Variants in CUX1 observed in about 807,000 individuals in gnomAD.
CUX1 encodes the protein cut like homeobox 1.
Under a neutral mutation model 158.8 loss-of-function variants are expected in CUX1, and 31 were observed. That is an observed-to-expected ratio of 0.20 (90% CI 0.15 to 0.26). The LOEUF (loss-of-function observed/expected upper bound fraction) is 0.26, where lower values mean the gene tolerates loss of function less well. CUX1 is among the 10% of genes least tolerant of loss of function. The pLI is 1.00. For missense variants in CUX1, 1,589 were observed against 2,014.6 expected (o/e 0.79, Z 4.04); for synonymous variants, 879 against 862.1 (o/e 1.02, Z -0.34).
At chr7:102,030,689 G>GTTTTTTTTTTTTTTTTTTTTTGTTTTT (rs1585341128) in intron 3 of CUX1, among the ~76,000 whole-genome samples, 11 of 82,524 alleles carry the variant, frequency 1.3e-4, no homozygotes, top group South Asian at 4.8e-4. Flanking sequence ...ATTTTAAAAA[G>GTTTTTTTTTTTTTTTTTTTTTGTTTTT]TGTTTTTTTT....
chr7:102,237,957 G>C (rs426954), intron 22 of CUX1, among the ~76,000 whole-genome samples: 73,734 of 152,024 alleles, frequency 0.49, 20,118 homozygotes, highest in East Asian at 0.92. Context: ...AGGAGACAAA[G>C]AGAGAAACAA....
At chr7:102,164,613 G>C (rs1320195877) in intron 9 of CUX1, among the ~76,000 whole-genome samples, 1 of 152,182 alleles carries the variant, frequency 6.6e-6, no homozygotes, top group Non-Finnish European at 1.5e-5. Context: ...GGAGGCCTTG[G>C]CCACTGGTGC....
chr7:102,180,741 C>G (rs1024382026), intron 11 of CUX1, among the ~76,000 whole-genome samples: 114 of 151,670 alleles, frequency 7.5e-4, no homozygotes, highest in African/African-American at 2.6e-3. Context: ...CCACGACCCT[C>G]CCTCACTCCT....
In CUX1 at chr7:102,248,533, A is replaced by G; in HGVS notation, c.4009A>G (p.Ser1337Gly). 6.6e-7 allele frequency: 1 copy of G among 1,519,150 alleles called. No individual in the cohort carries two copies. Among genetic ancestry groups the G allele is most frequent in the South Asian group, 1.2e-5 (1 of 82,850 alleles). The allele number at this position is 1,519,150 out of a possible 1,614,324, so 94.1% of individuals were successfully genotyped here. A position where few individuals can be genotyped will look rare whatever the true frequency, so the allele number is the denominator to read the frequency against. Residue 1337 changes from serine (S) to glycine (G), a missense_variant, in exon 24 of 24, where the codon AGC (serine) becomes GGC (glycine). This residue lies in a region of CUX1 where 344 missense variants were observed against 323.7 expected (regional missense o/e 1.06). Transcript: ENST00000292535. This position sits in a 1 kb window ranked among gnomAD's most constrained non-coding sequence, Gnocchi z 5.8. The stretch of plus-strand genomic sequence containing the variant: ...GGCGGCGCCCAGCTCGGAGGGCGAC[A>G]GCTGCGACGGCGTGGAGGCCACTGA... ...GRAAPSSEGDSCDGVEATEGP... is the reference protein window; with the variant it reads ...GRAAPSSEGDGCDGVEATEGP...
At position 102,248,852 on chromosome 7, in the gene CUX1, A is replaced by T. The variant is rs1563487788; in HGVS notation, c.4328A>T (p.Asn1443Ile). 1 of 1,246,636 alleles carries T rather than the reference A, an allele frequency of 8.0e-7. No homozygotes were observed. The highest frequency in any genetic ancestry group is 2.0e-5 in the South Asian group (1 of 49,000). The allele number at this position is 1,246,636 out of a possible 1,614,324, so 77.2% of individuals were successfully genotyped here. ...AAPSSAPPPS[N>I]SSSSSAPRRP... ...CCGAGCTCCGCGCCGCCGCCCAGCAACAGCAGCAGCAGCAGCGCCCCCCGC... is the reference window on the plus strand; with the variant it reads ...CCGAGCTCCGCGCCGCCGCCCAGCATCAGCAGCAGCAGCAGCGCCCCCCGC... The change falls in exon 24 of 24, where the codon AAC becomes ATC. Residue 1443 changes from asparagine to isoleucine, a missense_variant. Coordinates refer to ENST00000292535, the MANE Select transcript of CUX1 (RefSeq NM_181552.4). The surrounding 1 kb of genome is among the most constrained non-coding windows in gnomAD (Gnocchi z 5.8).
rs928269550 is a variant in CUX1, at chr7:102,201,060, G to A, written c.2063-300G>A. 3.5e-5 allele frequency among the ~76,000 whole-genome samples: 5 copies of A among 142,346 alleles called. No individual in the cohort carries two copies. Among genetic ancestry groups the A allele is most frequent in the East Asian group, 2.0e-4 (1 of 5,050 alleles). 93.4% of individuals were successfully genotyped at this position (142,346 alleles called of 152,430 possible). A position where few individuals can be genotyped will look rare whatever the true frequency, so the allele number is the denominator to read the frequency against. ...AAAAAAAAAAAAAAAAAAAATTCTC[G>A]GGGAAAGGAGCCCCAGGAGGGCAGG... On this transcript the variant is annotated intron_variant, in intron 17 of 23. Transcript: ENST00000292535. This position sits in a 1 kb window ranked among gnomAD's most constrained non-coding sequence, Gnocchi z 5.0.
chr7:101,873,751 T>C (rs1438187961), intron 1 of CUX1, among the ~76,000 whole-genome samples: 1 of 152,058 alleles, frequency 6.6e-6, no homozygotes, highest in Admixed American at 6.6e-5. Flanking sequence ...ACTCGGCTAA[T>C]TTTTTGTATT....
intron 9 of CUX1, among the ~76,000 whole-genome samples, chr7:102,166,866 G>T (rs1458055634): frequency 6.6e-6 from 1 of 152,162 alleles, no homozygotes. Context: ...AGTAACGAAG[G>T]CAAGCCACAA....
At chr7:102,186,484 G>A (rs1793627581) in intron 11 of CUX1, among the ~76,000 whole-genome samples, 1 of 152,116 alleles carries the variant, frequency 6.6e-6, no homozygotes, top group South Asian at 2.1e-4. Flanking sequence ...ACAGTCGTGT[G>A]TCACTTAACA....
intron 1 of CUX1, among the ~76,000 whole-genome samples, chr7:101,886,662 G>C (rs1196893469): frequency 6.6e-6 from 1 of 152,144 alleles, no homozygotes; most frequent in African/African-American, 2.4e-5. Flanking sequence ...TGCACTGCAT[G>C]CCTGGATAGC....
intron 1 of CUX1, among the ~76,000 whole-genome samples, chr7:101,880,361 C>T (rs911767660): frequency 3.9e-5 from 6 of 152,082 alleles, no homozygotes; most frequent in African/African-American, 9.7e-5. Context: ...TGTGCGTTCC[C>T]GGCAAGAATG....
chr7:101,988,424 T>C (rs1487226836), intron 2 of CUX1, among the ~76,000 whole-genome samples: 1 of 152,100 alleles, frequency 6.6e-6, no homozygotes, highest in Non-Finnish European at 1.5e-5. Context: ...AAACACTTCA[T>C]GGGCTGTGGG....
chr7:102,044,678 T>C (rs1375620985), intron 3 of CUX1, among the ~76,000 whole-genome samples: 1 of 152,174 alleles, frequency 6.6e-6, no homozygotes, highest in Non-Finnish European at 1.5e-5. Context: ...CCCCTGCTTC[T>C]CGCCTTCTCC....
At chr7:101,962,023 A>T (rs1366236717) in intron 2 of CUX1, 1 of 152,186 alleles carries the variant, frequency 6.6e-6, no homozygotes, top group Non-Finnish European at 1.5e-5. Flanking sequence ...CCATGCCAAA[A>T]TATTAAGTCT....
At chr7:102,062,076 TA>T (rs1271960912) in intron 3 of CUX1, among the ~76,000 whole-genome samples, 1 of 152,174 alleles carries the variant, frequency 6.6e-6, no homozygotes, top group African/African-American at 2.4e-5. Context: ...GTAGGTCCTA[TA>T]AGGTCCTTGC....
At chr7:102,204,253 C>T (rs150507701) in intron 18 of CUX1, 138 bp from the exon 19 acceptor site, 14 of 1,109,420 alleles carry the variant, frequency 1.3e-5, no homozygotes, top group East Asian at 4.8e-5. Flanking sequence ...AAGCTGTCAC[C>T]GCCACCAGGC....
intron 2 of CUX1, among the ~76,000 whole-genome samples, chr7:102,000,226 A>AGAG (rs1554447128): frequency 2.7e-5 from 4 of 150,652 alleles, no homozygotes; most frequent in Admixed American, 2.7e-4. Context: ...CAAAAAAAAA[A>AGAG]AGAGAGAGAG....
chr7:101,857,018 A>G (rs905614671), intron 1 of CUX1, among the ~76,000 whole-genome samples: 4 of 152,004 alleles, frequency 2.6e-5, no homozygotes, highest in African/African-American at 7.3e-5. Context: ...AGTCCTGCCC[A>G]GCTCCGGTTC....
intron 3 of CUX1, among the ~76,000 whole-genome samples, chr7:102,068,176 C>T (rs868737840): frequency 4.3e-4 from 66 of 151,826 alleles, no homozygotes; most frequent in African/African-American, 1.5e-3. Flanking sequence ...ACTGCAGCCT[C>T]GAACTGCTAG....
Sources: gnomAD v4.1 joint callset for allele counts (sites outside exome capture counted in the v4.1 genomes callset) on GRCh38, gnomAD v4.1.1 for gene constraint, gnomAD v4.1.1 regional missense constraint, Gnocchi (gnomAD v3.1) non-coding constraint, MANE v1.5 for transcripts, NCBI Gene and HGNC (gene_info 2026-07-23, HGNC 2026-07-21) for gene names.